The following PIEZO2 variants were observed in gnomAD, a reference collection of about 807,000 sequenced individuals.
The protein encoded by PIEZO2 is piezo-type mechanosensitive ion channel component 2.
A neutral mutation model predicts 337.3 loss-of-function variants in PIEZO2; 172 were observed. That is an observed-to-expected ratio of 0.51 (90% confidence interval 0.45 to 0.58). PIEZO2 has a LOEUF of 0.58. Among genes scored for constraint, PIEZO2 ranks in the 20% least tolerant of loss-of-function variants. PIEZO2 has a pLI of 0.00. For missense variants in PIEZO2, 3,028 were observed against 3,391.3 expected (o/e 0.89, Z 2.66); for synonymous variants, 1,251 against 1,228.5 (o/e 1.02, Z -0.38).
Position 11,048,628 on chromosome 18 carries a change from T to G in PIEZO2, c.160+17499A>C, listed in dbSNP as rs2037408724. On this transcript the variant is annotated intron_variant, in intron 2 of 55. Transcript: ENST00000674853. This position sits in a 1 kb window ranked among gnomAD's most constrained non-coding sequence, Gnocchi z 4.5. ...AATGCTTATATAGATAACTGAATTA[T>G]TTATATTAGAAGCTTTCACTCACTG... Among the ~76,000 whole-genome samples the G allele has an allele frequency of 6.6e-6, 1 of 152,216 alleles. No homozygotes were observed. Among genetic ancestry groups the G allele is most frequent in the Non-Finnish European group, 1.5e-5 (1 of 68,034 alleles).
chr18:11,134,218 C>G (rs1450646288), intron 1 of PIEZO2, among the ~76,000 whole-genome samples: 2 of 152,226 alleles, frequency 1.3e-5, no homozygotes, highest in African/African-American at 4.8e-5. Flanking sequence ...TGCTGTGTGA[C>G]TTACTTTAAC....
In PIEZO2 at chr18:11,058,421, C is replaced by T. The variant is rs113807402; in HGVS notation, c.160+7706G>A. On this transcript the variant is annotated intron_variant, in intron 2 of 55. Coordinates refer to ENST00000674853, the MANE Select transcript of PIEZO2 (RefSeq NM_001378183.1). ...TCACCAGCAATGGAACAAAGCTGGA[C>T]GGAGAATGATTTTGACAAGTTGAGA... is the stretch of plus-strand genomic sequence containing the variant. Among the ~76,000 whole-genome samples, 1,453 of 152,228 alleles carry T rather than the reference C, an allele frequency of 9.5e-3. 16 individuals are homozygous for T. The highest frequency in any genetic ancestry group is 0.022 in the South Asian group (107 of 4,830).
chr18:10,701,843 T>G, intron 43 of PIEZO2, 146 bp downstream of exon 43: 7 of 541,712 alleles, frequency 1.3e-5, no homozygotes, highest in Non-Finnish European at 2.0e-5. Context: ...TCTTTTTTTT[T>G]TTAAAAAAAA....
In PIEZO2 at chr18:10,704,444, C is replaced by T. The variant is rs542293689; in HGVS notation, c.6208G>A (p.Val2070Ile). Reference sequence around the variant, plus strand: ...CAGAACCGGCGGCTGGGCCTGGGGACGGACAACATGGCCCAGAGGAAGATG... The same window carrying T: ...CAGAACCGGCGGCTGGGCCTGGGGATGGACAACATGGCCCAGAGGAAGATG... ...ILIFLWAMLS[V>I]PRPSRRFWMM... is the part of the protein sequence containing the mutation. The change falls in exon 42 of 56, where the codon GTC (valine) becomes ATC (isoleucine). Residue 2070 changes from valine (V) to isoleucine (I), a missense_variant. Coordinates refer to ENST00000674853, the MANE Select transcript of PIEZO2 (RefSeq NM_001378183.1). 179 of 1,537,140 alleles carry T rather than the reference C, an allele frequency of 1.2e-4. No individual in the cohort carries two copies. The highest frequency in any genetic ancestry group is 1.2e-4 in the Non-Finnish European group (139 of 1,146,896).
chr18:11,084,255 G>T (rs1198593182), intron 1 of PIEZO2, among the ~76,000 whole-genome samples: 2 of 151,472 alleles, frequency 1.3e-5, no homozygotes, highest in Non-Finnish European at 2.9e-5. Flanking sequence ...TTTGATATCT[G>T]GTATAATTAA....
rs1191283777 is a variant in PIEZO2 at position 10,781,697 on chromosome 18, C to T, written c.2493-1331G>A. On this transcript the variant is annotated intron_variant, in intron 17 of 55. Coordinates refer to ENST00000674853, the MANE Select transcript of PIEZO2 (RefSeq NM_001378183.1). The surrounding 1 kb of genome is among the most constrained non-coding windows in gnomAD (Gnocchi z 4.1). ...ACTTTGTAAATTCTGTAAGTCTAAA[C>T]ATAATAAATTCTGCTTCATACACAA... Among the ~76,000 whole-genome samples, 1 of 152,094 alleles carries T rather than the reference C, an allele frequency of 6.6e-6. No individual in the cohort carries two copies. Among genetic ancestry groups the T allele is most frequent in the Non-Finnish European group, 1.5e-5 (1 of 68,024 alleles).
Position 11,033,576 on chromosome 18 carries a change from T to C in PIEZO2, c.160+32551A>G, listed in dbSNP as rs1420111524. ...GACACATGTTTGACTCCTGGAAAAC[T>C]TCTCTGATGCTGAATGTCAAAATAC... On this transcript the variant is annotated intron_variant, in intron 2 of 55. Transcript: ENST00000674853. The surrounding 1 kb of genome is among the most constrained non-coding windows in gnomAD (Gnocchi z 4.2). Among the ~76,000 whole-genome samples, 2 of 152,208 alleles carry C rather than the reference T, an allele frequency of 1.3e-5. No individual in the cohort carries two copies. The highest frequency in any genetic ancestry group is 2.9e-5 in the Non-Finnish European group (2 of 68,030).
chr18:10,835,838 A>G (rs982479128), intron 7 of PIEZO2, among the ~76,000 whole-genome samples: 2 of 152,242 alleles, frequency 1.3e-5, no homozygotes, highest in African/African-American at 2.4e-5. Context: ...GAGTTCTTAC[A>G]TTGATCATTT....
chr18:11,145,063 A>C (rs2040772166), intron 1 of PIEZO2, among the ~76,000 whole-genome samples: 1 of 152,230 alleles, frequency 6.6e-6, no homozygotes, highest in South Asian at 2.1e-4. Context: ...AATAATTATC[A>C]GTTATAATTA....
rs1051683767 is a variant in PIEZO2, at chr18:10,682,369, G to T, written c.7498-77C>A. The T allele has an allele frequency of 2.4e-6, 3 of 1,264,246 alleles. No homozygotes were observed. The highest frequency in any genetic ancestry group is 2.9e-5 in the South Asian group (2 of 69,018). 78.3% of individuals were successfully genotyped at this position (1,264,246 alleles called of 1,614,324 possible). On this transcript the variant is annotated intron_variant, in intron 49 of 55. Coordinates refer to ENST00000674853, the MANE Select transcript of PIEZO2 (RefSeq NM_001378183.1). This position sits in a 1 kb window ranked among gnomAD's most constrained non-coding sequence, Gnocchi z 5.6. The stretch of plus-strand genomic sequence containing the variant: ...GCAGGCAGCGGGATTGGGGGAGAGC[G>T]AGTGCTCTTCCTGTGGTGCTGGGAA...
chr18:10,740,829 C>T (rs983392304), intron 33 of PIEZO2: 21 of 698,406 alleles, frequency 3.0e-5, no homozygotes, highest in Middle Eastern at 5.1e-4. Flanking sequence ...AATGTCAGAA[C>T]GTCTGTGCTG....
At position 11,027,831 on chromosome 18, in the gene PIEZO2, AAG is replaced by A. The variant is rs201387560; in HGVS notation, c.160+38294_160+38295del. Among the ~76,000 whole-genome samples the A allele has an allele frequency of 0.24, 36,958 of 152,010 alleles. 4,997 individuals are homozygous for A. The highest frequency in any genetic ancestry group is 0.36 in the African/African-American group (14,959 of 41,424). The stretch of plus-strand genomic sequence containing the variant: ...CTGAAATTTCAGCTTATGACTTGGT[AAG>A]TGGTTTTTCCATTTGAGAGTTTCAT... On this transcript the variant is annotated intron_variant, in intron 2 of 55. Transcript: ENST00000674853. The surrounding 1 kb of genome is among the most constrained non-coding windows in gnomAD (Gnocchi z 4.2).
At chr18:10,788,480 AAT>A (rs2039305851) in intron 15 of PIEZO2, among the ~76,000 whole-genome samples, 1 of 136,906 alleles carries the variant, frequency 7.3e-6, no homozygotes, top group Admixed American at 7.8e-5. Context: ...GGAAGGAAGA[AAT>A]AGAAATGTAA....
chr18:10,687,152 T>A (rs1179623291), intron 49 of PIEZO2, among the ~76,000 whole-genome samples: 2 of 152,176 alleles, frequency 1.3e-5, no homozygotes, highest in Non-Finnish European at 2.9e-5. Flanking sequence ...AGTTCAGGGG[T>A]ACATGTGCAG....
At position 11,109,091 on chromosome 18, in the gene PIEZO2, T is replaced by C. The variant is rs1483199692; in HGVS notation, c.64+39434A>G. Among the ~76,000 whole-genome samples, 1 of 152,062 alleles carries C rather than the reference T, an allele frequency of 6.6e-6. No homozygotes were observed. The highest frequency in any genetic ancestry group is 2.4e-5 in the African/African-American group (1 of 41,394). On this transcript the variant is annotated intron_variant, in intron 1 of 55. Transcript: ENST00000674853. The surrounding 1 kb of genome is among the most constrained non-coding windows in gnomAD (Gnocchi z 5.1). Reference sequence around the variant, plus strand: ...TGTTTCCAGCATCCTGGGCAAAGGGTGACATCATGTCAGAGAACTATGCAT... The same window carrying C: ...TGTTTCCAGCATCCTGGGCAAAGGGCGACATCATGTCAGAGAACTATGCAT...
rs2034560445 is a variant in PIEZO2 at position 10,979,066 on chromosome 18, A to G, written c.286+469T>C. Among the ~76,000 whole-genome samples, 1 of 152,190 alleles carries G rather than the reference A, an allele frequency of 6.6e-6. No homozygotes were observed. Among genetic ancestry groups the G allele is most frequent in the Non-Finnish European group, 1.5e-5 (1 of 68,028 alleles). On this transcript the variant is annotated intron_variant, in intron 3 of 55. Transcript: ENST00000674853. The surrounding 1 kb of genome is among the most constrained non-coding windows in gnomAD (Gnocchi z 4.0). ...ATTCAGAAAAGAAACTACATGTGTC[A>G]TTACATTTTTCCCATAAAAACATGA...
Position 10,705,564 on chromosome 18 carries a change from G to C in PIEZO2, c.5771C>G (p.Pro1924Arg). ...AMGAEEASLT[P>R]EEELTQFSTL... ...GGAGAACTGTGTCAGCTCTTCCTCTGGGGTGAGGCTGGCCTCCTCGGCACC... is the reference window on the plus strand; with the variant it reads ...GGAGAACTGTGTCAGCTCTTCCTCTCGGGTGAGGCTGGCCTCCTCGGCACC... The change falls in exon 41 of 56, where the codon CCA becomes CGA. Residue 1924 changes from proline to arginine, a missense_variant. By Grantham distance (103) the Pro-to-Arg change is moderately radical (BLOSUM62 -2). Transcript: ENST00000674853. 4 of 1,537,232 alleles carry C rather than the reference G, an allele frequency of 2.6e-6. No homozygotes were observed. The highest frequency in any genetic ancestry group is 3.5e-6 in the Non-Finnish European group (4 of 1,146,900).
At chr18:10,995,077 C>CAAAA (rs767666232) in intron 2 of PIEZO2, among the ~76,000 whole-genome samples, 1 of 28,304 alleles carries the variant, frequency 3.5e-5, no homozygotes, top group Non-Finnish European at 7.6e-5. Flanking sequence ...GACTCCGTCT[C>CAAAA]AAAAAAAAAA....
intron 3 of PIEZO2, among the ~76,000 whole-genome samples, chr18:10,959,839 C>T (rs1205470064): frequency 1.3e-5 from 2 of 152,082 alleles, no homozygotes; most frequent in African/African-American, 2.4e-5. Context: ...AATCTCATCA[C>T]GAAGCATTTT....
Sources: gnomAD v4.1 joint callset for allele counts (sites outside exome capture counted in the v4.1 genomes callset) on GRCh38, gnomAD v4.1.1 for gene constraint, Gnocchi (gnomAD v3.1) non-coding constraint, MANE v1.5 for transcripts, NCBI Gene and HGNC (gene_info 2026-07-23, HGNC 2026-07-21) for gene names.